MGAM: variants seen among roughly 807,000 people sequenced by gnomAD.
The protein encoded by MGAM is maltase-glucoamylase, also known as alpha-1,4-glucosidase.
In MGAM, 253 loss-of-function variants were observed where a neutral mutation model predicts 358.8. The observed-to-expected ratio is 0.71, with a 90% CI of 0.64 to 0.78. The LOEUF is 0.78. MGAM is among the 30% of genes least tolerant of loss of function. The probability of loss-of-function intolerance (pLI) is 0.00; values close to 1 mark genes in which losing one functional copy is unlikely to be tolerated. For synonymous variants in MGAM, 1,105 were observed against 1,227.1 expected (o/e 0.90, Z 2.08); for missense variants, 3,080 against 3,432.6 (o/e 0.90, Z 2.57).
intron 35 of MGAM, 83 bp downstream of exon 35, chr7:142,062,785 A>G: frequency 6.4e-7 from 1 of 1,574,200 alleles, no homozygotes; most frequent in Non-Finnish European, 8.6e-7. Context: ...ACCTTCAATC[A>G]AGAGGATAGT....
Position 142,052,545 on chromosome 7 carries a change from A to G in MGAM, c.2958+99A>G, listed in dbSNP as rs1188019294. 3.4e-6 allele frequency: 5 copies of G among 1,482,226 alleles called. No individual in the cohort carries two copies. The East Asian group carries it at 7.0e-5, about 21-fold the overall frequency. The allele number at this position is 1,482,226 out of a possible 1,614,324, so 91.8% of individuals were successfully genotyped here. A position where few individuals can be genotyped will look rare whatever the true frequency, so the allele number is the denominator to read the frequency against. ...GTACTTACATAACTACTTAAAATCC[A>G]TAGAAAGAACTTCCTAAGGGACAGG... On this transcript the variant is annotated intron_variant, in intron 25 of 70. Transcript: ENST00000475668.
rs538932611 is a variant in MGAM at position 142,019,106 on chromosome 7, T to G, written c.328-93T>G. On this transcript the variant is annotated intron_variant, in intron 3 of 70. Transcript: ENST00000475668. ...TTCCTTATTTGTAAAATGAAATTAT[T>G]CATACCAGAGTCTCAAATTAGATGT... 1.4e-5 allele frequency: 19 copies of G among 1,359,098 alleles called. No individual in the cohort carries two copies. The South Asian group carries it at 2.5e-4, about 18-fold the overall frequency. 84.2% of individuals were successfully genotyped at this position (1,359,098 alleles called of 1,614,324 possible).
chr7:142,016,822 A>C (rs1806013191), intron 3 of MGAM, among the ~76,000 whole-genome samples: 1 of 152,050 alleles, frequency 6.6e-6, no homozygotes, highest in African/African-American at 2.4e-5. Flanking sequence ...CAAACTCCTG[A>C]CCTCGAGTGA....
At chr7:142,011,486 T>C (rs1200621977) in intron 3 of MGAM, among the ~76,000 whole-genome samples, 1 of 152,062 alleles carries the variant, frequency 6.6e-6, no homozygotes, top group African/African-American at 2.4e-5. Flanking sequence ...AAGACTTAAG[T>C]TTATGTTTGG....
At chr7:142,078,537 A>C in intron 48 of MGAM, 67 bp downstream of exon 48, 1 of 1,385,266 alleles carries the variant, frequency 7.2e-7, no homozygotes, top group South Asian at 1.4e-5. Flanking sequence ...TCTTAAGCAT[A>C]GCAGTGGCAC....
chr7:141,998,059 C>T (rs1415147277), intron 1 of MGAM, among the ~76,000 whole-genome samples: 1 of 152,088 alleles, frequency 6.6e-6, no homozygotes, highest in Non-Finnish European at 1.5e-5. Context: ...GACAAATATC[C>T]AGTTTTTCCA....
At chr7:142,001,761 A>G (rs1301650283) in intron 1 of MGAM, among the ~76,000 whole-genome samples, 2 of 152,184 alleles carry the variant, frequency 1.3e-5, no homozygotes, top group Admixed American at 1.3e-4. Flanking sequence ...CAGAACACCA[A>G]GTCGGGTGTG....
At chr7:142,064,307 G>A in intron 36 of MGAM, 77 bp from the exon 37 acceptor site, 1 of 1,547,180 alleles carries the variant, frequency 6.5e-7, no homozygotes, top group South Asian at 1.2e-5. Context: ...TAAGATCCAG[G>A]GCCCAGTCCC....
intron 14 of MGAM, among the ~76,000 whole-genome samples, chr7:142,033,302 A>G (rs927985705): frequency 1.3e-5 from 2 of 152,182 alleles, no homozygotes; most frequent in South Asian, 4.1e-4. Flanking sequence ...TGATGTGTCC[A>G]CAGTGTGAAG....
At chr7:142,101,020 A>G in intron 68 of MGAM, 130 bp downstream of exon 68, 1 of 823,384 alleles carries the variant, frequency 1.2e-6, no homozygotes, top group East Asian at 2.7e-5. Context: ...TTGTTAATTC[A>G]AGGGTATAAT....
chr7:142,045,320 T>C (rs111204026), intron 21 of MGAM, among the ~76,000 whole-genome samples: 3,037 of 105,740 alleles, frequency 0.029, 152 homozygotes, highest in African/African-American at 0.075. Context: ...ACCTATAATA[T>C]ATGATATATA....
chr7:142,060,103 C>G (rs1251864422), intron 33 of MGAM, 137 bp downstream of exon 33: 1 of 1,270,230 alleles, frequency 7.9e-7, no homozygotes, highest in Non-Finnish European at 1.1e-6. Context: ...AGAAGCTCTC[C>G]TTTTCTCAAT....
At chr7:142,025,447 C>T (rs1719774763) in intron 8 of MGAM, among the ~76,000 whole-genome samples, 1 of 152,128 alleles carries the variant, frequency 6.6e-6, no homozygotes, top group Non-Finnish European at 1.5e-5. Flanking sequence ...AGATAGTTTC[C>T]ACCAATGTGT....
rs1441261658 is a variant in MGAM, at chr7:142,097,714, G to A, written c.7749+65G>A. ...TAGAGAGTACAAAGGCTTTAGATCT[G>A]ATAGACCTTAGGTCAAATGCTGGCT... On this transcript the variant is annotated intron_variant, in intron 66 of 70. Transcript: ENST00000475668. The A allele has an allele frequency of 3.7e-5, 56 of 1,495,188 alleles. No homozygotes were observed. In the Admixed American group the frequency reaches 8.7e-4, roughly 23 times the overall value. The allele number at this position is 1,495,188 out of a possible 1,614,324, so 92.6% of individuals were successfully genotyped here.
At chr7:142,058,369 C>T (rs550089753) in intron 31 of MGAM, 41 bp downstream of exon 31, 1 of 1,611,348 alleles carries the variant, frequency 6.2e-7, no homozygotes, top group Admixed American at 1.7e-5. Flanking sequence ...AAAACTAACC[C>T]AGGTGCCTCT....
chr7:142,002,823 C>G (rs1161089375), intron 1 of MGAM, among the ~76,000 whole-genome samples: 2 of 151,884 alleles, frequency 1.3e-5, no homozygotes, highest in African/African-American at 4.8e-5. Flanking sequence ...AATCTTATAC[C>G]TAGGAAACTC....
At chr7:142,042,437 CATATAAT>C (rs1300065249) in intron 21 of MGAM, among the ~76,000 whole-genome samples, 2 of 6,450 alleles carry the variant, frequency 3.1e-4, no homozygotes, top group Non-Finnish European at 5.8e-4. Flanking sequence ...TAATATATAA[CATATAAT>C]ATATAATATA....
chr7:142,009,225 A>G (rs1401402195), intron 3 of MGAM, among the ~76,000 whole-genome samples: 4 of 152,158 alleles, frequency 2.6e-5, no homozygotes, highest in African/African-American at 9.7e-5. Flanking sequence ...AAGGTAATGA[A>G]TACCAGATTA....
chr7:142,052,702 A>G (rs1811115809), intron 25 of MGAM, 82 bp from the exon 26 acceptor site: 1 of 1,524,710 alleles, frequency 6.6e-7, no homozygotes, highest in African/African-American at 1.4e-5. Context: ...GTCATATAAA[A>G]TGACTTTACT....
Sources: allele counts gnomAD v4.1 joint callset (sites outside exome capture counted in the v4.1 genomes callset), GRCh38; gene constraint gnomAD v4.1.1; transcripts MANE v1.5; gene names NCBI Gene and HGNC (gene_info 2026-07-23, HGNC 2026-07-21).